Variants in ITPRID1 observed in about 807,000 individuals in gnomAD.
ITPRID1 encodes ITPR interacting domain containing 1.
In ITPRID1, 96 loss-of-function variants were observed where a neutral mutation model predicts 95.4. The observed-to-expected ratio is 1.01, with a 90% confidence interval of 0.85 to 1.19. The LOEUF is 1.19. ITPRID1 is among the 50% of genes most tolerant of loss of function. The probability of loss-of-function intolerance (pLI) is 0.00; values close to 1 mark genes in which losing one functional copy is unlikely to be tolerated. For missense variants in ITPRID1, 1,339 were observed against 1,252.9 expected (o/e 1.07, Z -1.04); for synonymous variants, 510 against 453.6 (o/e 1.12, Z -1.58).
intron 10 of ITPRID1, among the ~76,000 whole-genome samples, chr7:31,630,787 G>T (rs1788922039): frequency 6.6e-6 from 1 of 151,994 alleles, no homozygotes; most frequent in African/African-American, 2.4e-5. Context: ...GAATCAAAGA[G>T]ATGTTAAAAG....
Position 31,643,629 on chromosome 7 carries a change from A to G in ITPRID1, c.2259A>G (p.Lys753=). Residue 753 remains lysine (K), a synonymous_variant, in exon 12 of 15, where the codon AAA becomes AAG. Transcript: ENST00000615280. ...CAACAGAAACAAGACTGGGGACAAA[A>G]GCAAGACAGTTAAATGATGCTTCCA... The part of the protein sequence containing the change: ...VTATETRLGT[K]ARQLNDASIQ... 1.2e-6 allele frequency: 2 copies of G among 1,614,052 alleles called. No individual in the cohort carries two copies. Among genetic ancestry groups the G allele is most frequent in the Non-Finnish European group, 1.7e-6 (2 of 1,179,906 alleles).
intron 1 of ITPRID1, among the ~76,000 whole-genome samples, chr7:31,527,500 G>T (rs1783457599): frequency 6.6e-6 from 1 of 152,072 alleles, no homozygotes; most frequent in African/African-American, 2.4e-5. Context: ...TGTGGAAAAT[G>T]CATGACATAG....
At chr7:31,656,568 C>G, downstream of ITPRID1, 1 of 740,522 alleles carries the variant, frequency 1.4e-6, no homozygotes, top group Non-Finnish European at 1.6e-6. Context: ...AGAATATTAC[C>G]TACCGCTTGA....
intron 9 of ITPRID1, among the ~76,000 whole-genome samples, chr7:31,579,635 G>C (rs1251759799): frequency 6.6e-6 from 1 of 152,142 alleles, no homozygotes; most frequent in African/African-American, 2.4e-5. Context: ...TAGAAAGTAG[G>C]CTTAACCATA....
At chr7:31,574,403 G>A (rs904834740) in intron 7 of ITPRID1, 137 bp from the exon 8 acceptor site, 6 of 734,974 alleles carry the variant, frequency 8.2e-6, no homozygotes, top group Admixed American at 4.7e-5. Context: ...ATATAGGAAC[G>A]CTAGTGCACG....
At chr7:31,565,992 G>C (rs1351716049) in intron 5 of ITPRID1, among the ~76,000 whole-genome samples, 1 of 152,136 alleles carries the variant, frequency 6.6e-6, no homozygotes, top group Non-Finnish European at 1.5e-5. Context: ...ACATTCCCTA[G>C]CAAACATGTT....
rs117132865 is a variant in ITPRID1 at position 31,654,709 on chromosome 7, T to G, written c.*1880T>G. ...CACTGGGTCTCTAAGGAATGGGGAA[T>G]AGATGCAGAATGGAATAGGAAAAAC... On this transcript the variant is annotated 3_prime_UTR_variant, in exon 15 of 15. Coordinates refer to ENST00000615280, the MANE Select transcript of ITPRID1 (RefSeq NM_001257967.3). Among the ~76,000 whole-genome samples, 5 of 152,186 alleles carry G rather than the reference T, an allele frequency of 3.3e-5. No homozygotes were observed. In the East Asian group the frequency reaches 9.7e-4, roughly 29 times the overall value.
intron 5 of ITPRID1, among the ~76,000 whole-genome samples, chr7:31,568,038 A>C (rs1363139170): frequency 6.6e-6 from 1 of 151,918 alleles, no homozygotes; most frequent in Non-Finnish European, 1.5e-5. Context: ...AGGCACGAGA[A>C]TCACTTGAAC....
chr7:31,621,209 C>G (rs1386842044), intron 10 of ITPRID1, among the ~76,000 whole-genome samples: 1 of 151,952 alleles, frequency 6.6e-6, no homozygotes, highest in Admixed American at 6.6e-5. Flanking sequence ...GAGAACTTCC[C>G]CAATCTAGCA....
At chr7:31,537,095 TTGTGTGTGTGTGTGTGTGTGTG>T (rs66543091) in intron 1 of ITPRID1, among the ~76,000 whole-genome samples, 1 of 145,568 alleles carries the variant, frequency 6.9e-6, no homozygotes, top group Non-Finnish European at 1.5e-5. Context: ...GGTGTGTGTG[TTGTGTGTGTGTGTGTGTGTGTG>T]TGTGTGTGTG....
chr7:31,555,195 T>C (rs556271729), intron 5 of ITPRID1: 1 of 252,976 alleles, frequency 4.0e-6, no homozygotes, highest in Non-Finnish European at 7.5e-6. Context: ...GATGTAGTTA[T>C]GAAAATGAAA....
chr7:31,632,680 G>A (rs928840377), intron 10 of ITPRID1, among the ~76,000 whole-genome samples: 3 of 152,074 alleles, frequency 2.0e-5, no homozygotes, highest in African/African-American at 7.2e-5. Flanking sequence ...AAATCTAGCA[G>A]CAGGAAAAGA....
chr7:31,567,735 T>G (rs529139862), intron 5 of ITPRID1, among the ~76,000 whole-genome samples: 3 of 152,256 alleles, frequency 2.0e-5, no homozygotes, highest in East Asian at 3.9e-4. Context: ...CTGACTCTTA[T>G]GATGATAGTT....
At chr7:31,544,125 G>A (rs1263396590) in intron 1 of ITPRID1, among the ~76,000 whole-genome samples, 1 of 152,028 alleles carries the variant, frequency 6.6e-6, no homozygotes, top group East Asian at 1.9e-4. Context: ...ATGTTGAAAA[G>A]GAATGGTAAG....
At chr7:31,625,101 A>G (rs1048532804) in intron 10 of ITPRID1, among the ~76,000 whole-genome samples, 8 of 152,180 alleles carry the variant, frequency 5.3e-5, no homozygotes, top group East Asian at 3.9e-4. Flanking sequence ...TAGAATGGCA[A>G]TCATTAAGAA....
At chr7:31,633,740 A>G (rs562514306) in intron 10 of ITPRID1, among the ~76,000 whole-genome samples, 3 of 152,200 alleles carry the variant, frequency 2.0e-5, no homozygotes, top group Non-Finnish European at 2.9e-5. Context: ...ATTTTGTACC[A>G]TTGGAGGACA....
At chr7:31,589,654 C>T (rs1352545367) in intron 10 of ITPRID1, among the ~76,000 whole-genome samples, 2 of 152,104 alleles carry the variant, frequency 1.3e-5, no homozygotes, top group Admixed American at 1.3e-4. Flanking sequence ...GAAGACTTCT[C>T]ATTAAAAACA....
chr7:31,569,833 T>C (rs1231829120), intron 6 of ITPRID1, 24 bp downstream of exon 6: 2 of 1,563,262 alleles, frequency 1.3e-6, no homozygotes, highest in Non-Finnish European at 1.7e-6. Flanking sequence ...TCAGTGTTAC[T>C]TCATGCCAAT....
chr7:31,599,689 TCTC>T (rs1786299740), intron 10 of ITPRID1, among the ~76,000 whole-genome samples: 1 of 147,990 alleles, frequency 6.8e-6, no homozygotes, highest in Admixed American at 6.8e-5. Context: ...TCTCTCTCTC[TCTC>T]TTTCTTTCTT....
Sources: gnomAD v4.1 joint callset for allele counts (sites outside exome capture counted in the v4.1 genomes callset) on GRCh38, gnomAD v4.1.1 for gene constraint, MANE v1.5 for transcripts, NCBI Gene and HGNC (gene_info 2026-07-23, HGNC 2026-07-21) for gene names.